Variants in TMCO5A observed in about 807,000 individuals in gnomAD.
TMCO5A encodes transmembrane and coiled-coil domains 5A, also known as transmembrane and coiled-coil domain-containing protein 5A.
Under a neutral mutation model 42.3 loss-of-function variants are expected in TMCO5A, and 34 were observed. That is an observed-to-expected ratio of 0.80 (90% confidence interval 0.61 to 1.07). TMCO5A has a LOEUF of 1.07. Ranked by LOEUF, TMCO5A falls within the 50% of genes least tolerant of loss-of-function variation. TMCO5A has a pLI of 0.00. For synonymous variants in TMCO5A, 131 were observed against 115.6 expected, an observed-to-expected ratio of 1.13 and a Z score of -0.86; for missense variants, 357 against 327.9, an observed-to-expected ratio of 1.09 and a Z score of -0.69.
At chr15:38,022,842 A>C in the TMCO5A span, among the ~76,000 whole-genome samples, 1 of 152,200 alleles carries the variant, frequency 6.6e-6, no homozygotes, top group Non-Finnish European at 1.5e-5. Flanking sequence ...TAATAAAATA[A>C]CTATGATATT....
chr15:37,955,712 C>T (rs1429837779), downstream of TMCO5A, among the ~76,000 whole-genome samples: 1 of 152,024 alleles, frequency 6.6e-6, no homozygotes, highest in Non-Finnish European at 1.5e-5. Flanking sequence ...CAAGAATATC[C>T]AGGACTTGAA....
chr15:38,005,013 T>C, the TMCO5A span, among the ~76,000 whole-genome samples: 3 of 152,126 alleles, frequency 2.0e-5, no homozygotes, highest in Non-Finnish European at 4.4e-5. Context: ...CATGTGACAA[T>C]AATTGCTCAA....
intron 10 of TMCO5A, among the ~76,000 whole-genome samples, chr15:37,945,548 A>AT (rs1047168356): frequency 3.3e-5 from 5 of 151,988 alleles, no homozygotes; most frequent in African/African-American, 4.8e-5. Flanking sequence ...TTGTTGTTTG[A>AT]TTTTTTAATA....
At position 37,963,503 on chromosome 15, in the gene TMCO5A, CTGT is replaced by C. The variant is rs1340883416; in HGVS notation, c.669-3119_669-3117del. On this transcript the variant is annotated intron_variant, in intron 11 of 11. Coordinates refer to the TMCO5A transcript ENST00000559502. ...TATATCTTGGAGAAAGTTCCATGTGCTGTTGAATAGAATGTGTATTGTGCAGTT... is the reference window on the plus strand; with the variant it reads ...TATATCTTGGAGAAAGTTCCATGTGCTGAATAGAATGTGTATTGTGCAGTT... Among the ~76,000 whole-genome samples, 7 of 152,186 alleles carry C rather than the reference CTGT, an allele frequency of 4.6e-5. No individual in the cohort carries two copies. In the East Asian group the frequency reaches 1.2e-3, roughly 25 times the overall value.
At chr15:38,021,800 G>T in the TMCO5A span, among the ~76,000 whole-genome samples, 1 of 150,060 alleles carries the variant, frequency 6.7e-6, no homozygotes, top group Non-Finnish European at 1.5e-5. Context: ...TTGGAAGGTA[G>T]TTCGACAGTT....
the TMCO5A span, among the ~76,000 whole-genome samples, chr15:37,995,718 G>A: frequency 6.6e-6 from 1 of 152,132 alleles, no homozygotes; most frequent in Admixed American, 6.6e-5. Context: ...ATATGGCACG[G>A]CTGCAAAAAT....
chr15:38,008,180 C>T, the TMCO5A span, among the ~76,000 whole-genome samples: 2 of 151,180 alleles, frequency 1.3e-5, no homozygotes, highest in African/African-American at 2.4e-5. Flanking sequence ...CAGGCGTGAG[C>T]CACCGTGCCC....
intron 11 of TMCO5A, among the ~76,000 whole-genome samples, chr15:37,966,332 G>A (rs1890555579): frequency 6.6e-6 from 1 of 151,890 alleles, no homozygotes; most frequent in African/African-American, 2.4e-5. Context: ...AAAACAGGGT[G>A]ACTATCATCG....
At chr15:38,037,824 T>G in the TMCO5A span, among the ~76,000 whole-genome samples, 1 of 152,000 alleles carries the variant, frequency 6.6e-6, no homozygotes, top group African/African-American at 2.4e-5. Context: ...ACCAGCCTGG[T>G]AAATATGGTG....
At chr15:38,040,385 A>G in the TMCO5A span, 2 of 152,208 alleles carry the variant, frequency 1.3e-5, no homozygotes, top group East Asian at 3.9e-4. Flanking sequence ...TCTAGGAATC[A>G]CAGTCCCATT....
chr15:37,946,819 C>T (rs1385818961), intron 10 of TMCO5A, among the ~76,000 whole-genome samples: 1 of 152,134 alleles, frequency 6.6e-6, no homozygotes, highest in African/African-American at 2.4e-5. Context: ...TTGACTTCCT[C>T]TTTTCCTATT....
intron 2 of TMCO5A, chr15:37,936,016 C>G: frequency 4.8e-6 from 1 of 207,134 alleles, no homozygotes. Context: ...CATTTCTCCC[C>G]AGCGCAAGGG....
chr15:37,952,359 C>T (rs74736205), downstream of TMCO5A, among the ~76,000 whole-genome samples: 9,419 of 152,040 alleles, frequency 0.062, 393 homozygotes, highest in Admixed American at 0.14. Context: ...AAGACTTTGT[C>T]TTGCATCTTG....
At chr15:37,934,891 G>A (rs1595582015) in intron 1 of TMCO5A, among the ~76,000 whole-genome samples, 197 bp downstream of exon 1, 2 of 152,084 alleles carry the variant, frequency 1.3e-5, no homozygotes, top group South Asian at 2.1e-4. Context: ...TGCCCATGGG[G>A]CTTTATGGAA....
At chr15:37,992,293 A>G in the TMCO5A span, among the ~76,000 whole-genome samples, 5 of 152,156 alleles carry the variant, frequency 3.3e-5, no homozygotes, top group African/African-American at 1.2e-4. Flanking sequence ...TCAAAACCAC[A>G]GTAAGGTACC....
chr15:38,000,560 T>C, the TMCO5A span, among the ~76,000 whole-genome samples: 1 of 152,108 alleles, frequency 6.6e-6, no homozygotes, highest in Admixed American at 6.5e-5. Context: ...TAATTTTGAA[T>C]TTGATTTGCT....
intron 11 of TMCO5A, among the ~76,000 whole-genome samples, chr15:37,957,320 A>G (rs958756093): frequency 2.0e-5 from 3 of 152,244 alleles, no homozygotes; most frequent in African/African-American, 7.2e-5. Context: ...TGCACATGAC[A>G]TGATTGTATA....
At chr15:37,998,711 A>AT in the TMCO5A span, among the ~76,000 whole-genome samples, 2,530 of 148,816 alleles carry the variant, frequency 0.017, 78 homozygotes, top group African/African-American at 0.059. Context: ...AAATTTTAGG[A>AT]TTTTTTTTTT....
the TMCO5A span, among the ~76,000 whole-genome samples, chr15:37,988,080 T>C: frequency 6.6e-6 from 1 of 151,962 alleles, no homozygotes; most frequent in Non-Finnish European, 1.5e-5. Flanking sequence ...CTTTCTAGGT[T>C]AATACTTAAG....
Sources: allele counts gnomAD v4.1 joint callset (sites outside exome capture counted in the v4.1 genomes callset), GRCh38; gene constraint gnomAD v4.1.1; transcripts MANE v1.5; gene names NCBI Gene and HGNC (gene_info 2026-07-23, HGNC 2026-07-21).